The following CUL3 variants were observed in gnomAD, a reference collection of about 807,000 sequenced individuals.
CUL3 encodes the protein cullin 3.
A neutral mutation model predicts 89.1 loss-of-function variants in CUL3; 19 were observed. That is an observed-to-expected ratio of 0.21 (90% CI 0.15 to 0.31). CUL3 has a LOEUF of 0.31. Ranked by LOEUF, CUL3 falls within the 10% of genes least tolerant of loss-of-function variation. CUL3 has a pLI of 1.00. For synonymous variants in CUL3, 351 were observed against 308.4 expected, an observed-to-expected ratio of 1.14 and a Z score of -1.45; for missense variants, 469 against 942.3, an observed-to-expected ratio of 0.50 and a Z score of 6.58.
chr2:224,549,706 T>C (rs1036464521), intron 2 of CUL3, among the ~76,000 whole-genome samples: 1 of 152,150 alleles, frequency 6.6e-6, no homozygotes, highest in Non-Finnish European at 1.5e-5. Context: ...GCTTAAAAAC[T>C]GTCAAGTTTG....
At chr2:224,476,054 C>T (rs151142637) in intron 15 of CUL3, among the ~76,000 whole-genome samples, 5 of 151,648 alleles carry the variant, frequency 3.3e-5, no homozygotes, top group East Asian at 3.9e-4. Flanking sequence ...GATGGAGTCT[C>T]GCTCTGTCGC....
chr2:224,484,883 C>A (rs770767511), intron 13 of CUL3, among the ~76,000 whole-genome samples: 1 of 152,186 alleles, frequency 6.6e-6, no homozygotes, highest in African/African-American at 2.4e-5. Flanking sequence ...CAGCTCCCAG[C>A]GAGACTAATG....
At chr2:224,506,561 A>T (rs1303691317) in intron 7 of CUL3, among the ~76,000 whole-genome samples, 2 of 152,198 alleles carry the variant, frequency 1.3e-5, no homozygotes, top group Non-Finnish European at 2.9e-5. Flanking sequence ...TTTCCAATAT[A>T]CTACAGTATA....
chr2:224,526,149 T>C (rs977215350), intron 3 of CUL3, among the ~76,000 whole-genome samples: 3 of 152,182 alleles, frequency 2.0e-5, no homozygotes, highest in Non-Finnish European at 2.9e-5. Context: ...AGAGGGTAAA[T>C]AACTTGAGCA....
chr2:224,498,488 A>T, intron 11 of CUL3, among the ~76,000 whole-genome samples: 1 of 152,076 alleles, frequency 6.6e-6, no homozygotes, highest in East Asian at 1.9e-4. Context: ...TTCCCTTGTC[A>T]TTTTGCCTTT....
intron 10 of CUL3, among the ~76,000 whole-genome samples, chr2:224,500,994 T>C (rs899368577): frequency 6.6e-6 from 1 of 152,198 alleles, no homozygotes; most frequent in South Asian, 2.1e-4. Flanking sequence ...GCAAATAGCT[T>C]AATTATTGCT....
At chr2:224,544,481 A>G (rs1450438409) in intron 2 of CUL3, among the ~76,000 whole-genome samples, 1 of 152,132 alleles carries the variant, frequency 6.6e-6, no homozygotes, top group Non-Finnish European at 1.5e-5. Context: ...TTTTACCATT[A>G]TAAGTAATGT....
chr2:224,474,417 A>C lies in CUL3; in HGVS notation c.2176-41T>G, dbSNP rs910649098. ...GATAGTATTTTTATATAAACACATA[A>C]AAATTCGTATCTTTGAACAGAACTG... is the stretch of plus-strand genomic sequence containing the variant. On this transcript the variant is annotated intron_variant, in intron 15 of 15. Coordinates refer to ENST00000264414, the MANE Select transcript of CUL3 (RefSeq NM_003590.5). The C allele has an allele frequency of 8.3e-6, 13 of 1,564,702 alleles. No individual in the cohort carries two copies. In the African/African-American group the frequency reaches 1.1e-4, roughly 13 times the overall value.
intron 7 of CUL3, among the ~76,000 whole-genome samples, chr2:224,506,378 G>GT (rs1310033195): frequency 1.3e-5 from 2 of 151,976 alleles, no homozygotes; most frequent in Non-Finnish European, 2.9e-5. Context: ...CCTCCTCACT[G>GT]TTTCTCATTC....
chr2:224,549,705 C>G (rs2106290093), intron 2 of CUL3, among the ~76,000 whole-genome samples: 1 of 152,252 alleles, frequency 6.6e-6, no homozygotes, highest in Non-Finnish European at 1.5e-5. Context: ...AGCTTAAAAA[C>G]TGTCAAGTTT....
At chr2:224,542,000 A>C (rs773173949) in intron 2 of CUL3, among the ~76,000 whole-genome samples, 1 of 152,302 alleles carries the variant, frequency 6.6e-6, no homozygotes, top group African/African-American at 2.4e-5. Context: ...ATGTGTGCTG[A>C]AATTCAGAGA....
intron 2 of CUL3, among the ~76,000 whole-genome samples, chr2:224,536,200 G>GCTT (rs1693893076): frequency 6.6e-6 from 1 of 152,168 alleles, no homozygotes; most frequent in Admixed American, 6.5e-5. Flanking sequence ...TTAAAACAGT[G>GCTT]CTTAGTACTC....
At chr2:224,474,613 G>A (rs1174447312) in intron 15 of CUL3, 1 of 428,854 alleles carries the variant, frequency 2.3e-6, no homozygotes, top group Non-Finnish European at 4.2e-6. Context: ...AATTGAATTA[G>A]TTGGAATTAC....
intron 1 of CUL3, among the ~76,000 whole-genome samples, chr2:224,578,232 C>G (rs576048879): frequency 6.6e-6 from 1 of 152,150 alleles, no homozygotes; most frequent in African/African-American, 2.4e-5. Flanking sequence ...TATGGACTCC[C>G]TGGAATCAAC....
chr2:224,511,977 G>A (rs1341243047), intron 5 of CUL3, among the ~76,000 whole-genome samples: 2 of 152,136 alleles, frequency 1.3e-5, no homozygotes, highest in African/African-American at 4.8e-5. Context: ...TTTATCATAA[G>A]CTTTGCTGGC....
chr2:224,564,347 T>C (rs372896789), intron 1 of CUL3, among the ~76,000 whole-genome samples: 1 of 152,208 alleles, frequency 6.6e-6, no homozygotes, highest in Non-Finnish European at 1.5e-5. Context: ...GAATCTGCAC[T>C]AGTTTTGCTG....
chr2:224,571,363 C>G (rs772933674), intron 1 of CUL3, among the ~76,000 whole-genome samples: 4 of 152,092 alleles, frequency 2.6e-5, no homozygotes, highest in African/African-American at 9.7e-5. Flanking sequence ...TTTATTTATA[C>G]ATGGGTCACA....
In CUL3 at chr2:224,584,951, G is replaced by T; in HGVS notation, c.59C>A (p.Ala20Asp). Residue 20 changes from alanine (A) to aspartate (D), a missense_variant, in exon 1 of 16, where the codon GCC becomes GAC. Physicochemically the swap from Ala to Asp is moderately radical, Grantham distance 126. Around this residue, in one of 4 missense-constraint regions of CUL3, gnomAD observed 32 missense variants for 29.7 expected, o/e 1.08. Transcript: ENST00000264414. ...SRKDTKMRIR[A>D]FPMTMDEKYV... ...CGCCGAGGAGAGACTCACCGGAAAG[G>T]CCCGGATCCGCATCTTGGTGTCCTT... 6.7e-7 allele frequency: 1 copy of T among 1,496,906 alleles called. No homozygotes were observed. Among genetic ancestry groups the T allele is most frequent in the Non-Finnish European group, 9.0e-7 (1 of 1,111,810 alleles). The allele number at this position is 1,496,906 out of a possible 1,614,324, so 92.7% of individuals were successfully genotyped here.
chr2:224,502,567 AG>A (rs1421543089), intron 10 of CUL3, among the ~76,000 whole-genome samples: 2 of 152,318 alleles, frequency 1.3e-5, no homozygotes, highest in East Asian at 3.9e-4. Context: ...AGTGAGGTAT[AG>A]GAAGGTCAGG....
Sources: allele counts gnomAD v4.1 joint callset (sites outside exome capture counted in the v4.1 genomes callset), GRCh38; gene constraint gnomAD v4.1.1; regional missense constraint gnomAD v4.1.1; transcripts MANE v1.5; gene names NCBI Gene and HGNC (gene_info 2026-07-23, HGNC 2026-07-21).